ZCCHC7: variants seen among roughly 807,000 people sequenced by gnomAD.
ZCCHC7 encodes the protein zinc finger CCHC-type containing 7, also known as zinc finger CCHC domain-containing protein 7.
In ZCCHC7, 35 loss-of-function variants were observed where a neutral mutation model predicts 52.0. The ratio of observed to expected loss-of-function variants is 0.67; its 90% CI spans 0.51 to 0.89. The LOEUF (loss-of-function observed/expected upper bound fraction) is 0.89. Among genes scored for constraint, ZCCHC7 ranks in the 40% least tolerant of loss-of-function variants. The probability of loss-of-function intolerance (pLI) is 0.00; values close to 1 mark genes in which losing one functional copy is unlikely to be tolerated. For missense variants in ZCCHC7, 574 were observed against 649.1 expected, an observed-to-expected ratio of 0.88 and a Z score of 1.26; for synonymous variants, 217 against 221.5, an observed-to-expected ratio of 0.98 and a Z score of 0.18.
At chr9:37,133,113 G>A (rs1485449187) in intron 2 of ZCCHC7, among the ~76,000 whole-genome samples, 8 of 152,148 alleles carry the variant, frequency 5.3e-5, no homozygotes, top group South Asian at 2.1e-4. Context: ...TAGCCTGGGC[G>A]ACAGAGTGAG....
intron 2 of ZCCHC7, among the ~76,000 whole-genome samples, chr9:37,257,501 A>G (rs952090342): frequency 2.6e-5 from 4 of 152,234 alleles, no homozygotes; most frequent in African/African-American, 9.6e-5. Context: ...TAAGCCAGAT[A>G]TGGAAAGACA....
chr9:37,352,123 G>T (rs1015115261), intron 7 of ZCCHC7, among the ~76,000 whole-genome samples: 1 of 152,210 alleles, frequency 6.6e-6, no homozygotes, highest in African/African-American at 2.4e-5. Context: ...TTTACATTTA[G>T]CTTTGGAAAA....
chr9:37,355,384 A>G (rs981792200), intron 8 of ZCCHC7, among the ~76,000 whole-genome samples: 2 of 152,170 alleles, frequency 1.3e-5, no homozygotes, highest in African/African-American at 4.8e-5. Flanking sequence ...TATTCACTTC[A>G]AGGTGGTTTT....
intron 2 of ZCCHC7, among the ~76,000 whole-genome samples, chr9:37,269,631 A>AAC (rs1166676473): frequency 2.1e-4 from 31 of 148,696 alleles, no homozygotes; most frequent in African/African-American, 7.6e-4. Context: ...AAAAAAAAAA[A>AAC]AAAAAAAAAA....
chr9:37,213,814 T>C (rs1473617570), intron 2 of ZCCHC7, among the ~76,000 whole-genome samples: 2 of 152,118 alleles, frequency 1.3e-5, no homozygotes, highest in Non-Finnish European at 2.9e-5. Context: ...ATCTTGCACA[T>C]TGTTTTAAAG....
intron 2 of ZCCHC7, among the ~76,000 whole-genome samples, chr9:37,206,526 A>AT (rs1823926388): frequency 1.3e-5 from 2 of 151,840 alleles, no homozygotes; most frequent in East Asian, 1.9e-4. Flanking sequence ...TAATTTTTGC[A>AT]TTTTTTGTAG....
intron 2 of ZCCHC7, among the ~76,000 whole-genome samples, chr9:37,141,179 T>C (rs1457117252): frequency 6.6e-6 from 1 of 151,952 alleles, no homozygotes; most frequent in Non-Finnish European, 1.5e-5. Flanking sequence ...TCCCATGGCT[T>C]TCGGTTGCAG....
chr9:37,345,937 G>A lies in ZCCHC7; in HGVS notation c.988-3420G>A, dbSNP rs542211388. ...TCATTTTAGGGAATAAGAGCTGAAA[G>A]TAAAGTTGTTTGAAGTAGTTTTTTT... On this transcript the variant is annotated intron_variant, in intron 6 of 8. Coordinates refer to ENST00000336755, the MANE Select transcript of ZCCHC7 (RefSeq NM_032226.3). Among the ~76,000 whole-genome samples, 27 of 152,314 alleles carry A rather than the reference G, an allele frequency of 1.8e-4. No individual in the cohort carries two copies. In the South Asian group the frequency reaches 5.6e-3, roughly 32 times the overall value.
At chr9:37,286,156 A>G (rs960405640) in intron 2 of ZCCHC7, among the ~76,000 whole-genome samples, 2 of 152,344 alleles carry the variant, frequency 1.3e-5, no homozygotes, top group South Asian at 2.1e-4. Context: ...GAACACTATT[A>G]ATAAAATAAT....
chr9:37,147,638 C>G (rs1843492470), intron 2 of ZCCHC7, among the ~76,000 whole-genome samples: 1 of 151,802 alleles, frequency 6.6e-6, no homozygotes. Flanking sequence ...CTGCAGTGCA[C>G]ATGACTTTCT....
intron 2 of ZCCHC7, among the ~76,000 whole-genome samples, chr9:37,281,966 C>T (rs1355192731): frequency 6.6e-6 from 1 of 152,130 alleles, no homozygotes; most frequent in Non-Finnish European, 1.5e-5. Flanking sequence ...TTCCTGCTCC[C>T]ACGTATGGTT....
chr9:37,175,801 C>G (rs1285833831), intron 2 of ZCCHC7, among the ~76,000 whole-genome samples: 4 of 152,098 alleles, frequency 2.6e-5, no homozygotes, highest in African/African-American at 4.8e-5. Context: ...ATGATTTTGT[C>G]TCTTTTATTA....
intron 2 of ZCCHC7, among the ~76,000 whole-genome samples, chr9:37,206,476 C>G (rs967984920): frequency 6.6e-6 from 1 of 151,994 alleles, no homozygotes; most frequent in Non-Finnish European, 1.5e-5. Context: ...CTCAGCCCCC[C>G]GAGTAGCTGG....
chr9:37,263,340 A>G (rs1258828460), intron 2 of ZCCHC7, among the ~76,000 whole-genome samples: 4 of 151,784 alleles, frequency 2.6e-5, no homozygotes, highest in Admixed American at 6.6e-5. Context: ...TACATTTTCT[A>G]TATACCCTTA....
At chr9:37,242,417 A>G (rs772713604) in intron 2 of ZCCHC7, among the ~76,000 whole-genome samples, 1 of 151,806 alleles carries the variant, frequency 6.6e-6, no homozygotes, top group East Asian at 1.9e-4. Flanking sequence ...TATATGCTAT[A>G]TGTATGAGGG....
intron 2 of ZCCHC7, among the ~76,000 whole-genome samples, chr9:37,189,296 A>C (rs1358100761): frequency 1.3e-5 from 2 of 151,674 alleles, no homozygotes; most frequent in South Asian, 2.1e-4. Flanking sequence ...CTGATTCTTC[A>C]TTTGTCAAAT....
chr9:37,275,737 G>A (rs576977302), intron 2 of ZCCHC7, among the ~76,000 whole-genome samples: 1 of 152,136 alleles, frequency 6.6e-6, no homozygotes. Flanking sequence ...CCGCCTCCCA[G>A]GTTCAAGCGA....
chr9:37,301,217 G>A (rs376884404), intron 2 of ZCCHC7, among the ~76,000 whole-genome samples: 2 of 152,342 alleles, frequency 1.3e-5, no homozygotes, highest in African/African-American at 4.8e-5. Context: ...ATACTGGACA[G>A]GTTAACTGGA....
chr9:37,228,835 C>CTTTT (rs573237575), intron 2 of ZCCHC7, among the ~76,000 whole-genome samples: 3 of 130,470 alleles, frequency 2.3e-5, no homozygotes, highest in Non-Finnish European at 5.0e-5. Context: ...AAAGAGGGAA[C>CTTTT]TTTTTTTTTT....
Sources: allele counts gnomAD v4.1 joint callset (sites outside exome capture counted in the v4.1 genomes callset), GRCh38; gene constraint gnomAD v4.1.1; transcripts MANE v1.5; gene names NCBI Gene and HGNC (gene_info 2026-07-23, HGNC 2026-07-21).